Variants in NMU observed in about 807,000 individuals in gnomAD.
NMU encodes neuromedin U.
A neutral mutation model predicts 35.4 loss-of-function variants in NMU; 29 were observed. The observed-to-expected ratio is 0.82, with a 90% CI of 0.61 to 1.12. NMU has a LOEUF of 1.12. Ranked by LOEUF, NMU falls within the 50% of genes most tolerant of loss-of-function variation. The pLI, the probability that NMU is intolerant of heterozygous loss-of-function variation, is 0.00. For synonymous variants in NMU, 78 were observed against 81.3 expected (o/e 0.96, Z 0.22); for missense variants, 199 against 206.2 (o/e 0.97, Z 0.21).
intron 1 of NMU, among the ~76,000 whole-genome samples, chr4:55,633,746 G>T (rs531947600): frequency 6.6e-6 from 1 of 152,278 alleles, no homozygotes; most frequent in South Asian, 2.1e-4. Flanking sequence ...TTCACTGTCG[G>T]ATTGGGAAGT....
At position 55,607,283 on chromosome 4, in the gene NMU, A is replaced by C; in HGVS notation, c.360+15T>G. 6.4e-7 allele frequency: 1 copy of C among 1,557,086 alleles called. No individual in the cohort carries two copies. The highest frequency in any genetic ancestry group is 8.9e-7 in the Non-Finnish European group (1 of 1,128,534). ...CAAATATTAGTGATTACTAAGAAGT[A>C]GTTCTACAACTTACCACAACATTTG... is the stretch of plus-strand genomic sequence containing the variant. On this transcript the variant is annotated intron_variant, in intron 6 of 9. Coordinates refer to ENST00000264218, the MANE Select transcript of NMU (RefSeq NM_006681.4).
At chr4:55,612,080 C>T (rs181651261) in intron 3 of NMU, among the ~76,000 whole-genome samples, 8 of 152,124 alleles carry the variant, frequency 5.3e-5, no homozygotes, top group South Asian at 2.1e-4. Context: ...GAGTTGGCTG[C>T]GAGAAAAACT....
At chr4:55,613,292 T>G (rs1480852147) in intron 3 of NMU, among the ~76,000 whole-genome samples, 3 of 152,112 alleles carry the variant, frequency 2.0e-5, no homozygotes, top group African/African-American at 4.8e-5. Context: ...CATTTACCCC[T>G]GAACCTAAAA....
chr4:55,610,744 C>A (rs1733898800), intron 3 of NMU, among the ~76,000 whole-genome samples: 1 of 152,150 alleles, frequency 6.6e-6, no homozygotes, highest in Non-Finnish European at 1.5e-5. Context: ...TTTTCATATA[C>A]AGTCATGCAC....
intron 2 of NMU, among the ~76,000 whole-genome samples, chr4:55,627,938 T>C (rs888484296): frequency 7.9e-5 from 12 of 152,252 alleles, no homozygotes; most frequent in Admixed American, 3.9e-4. Context: ...GTAAAGGTTA[T>C]GTATCAAACT....
At chr4:55,613,333 C>T (rs1734007004) in intron 3 of NMU, among the ~76,000 whole-genome samples, 1 of 152,042 alleles carries the variant, frequency 6.6e-6, no homozygotes, top group Non-Finnish European at 1.5e-5. Context: ...GTTCTGTAGG[C>T]TCTATCAAGG....
intron 2 of NMU, among the ~76,000 whole-genome samples, chr4:55,626,433 G>T (rs939157269): frequency 6.6e-6 from 1 of 152,198 alleles, no homozygotes; most frequent in Non-Finnish European, 1.5e-5. Flanking sequence ...GGCTGGGCAG[G>T]GTGGCTCACA....
chr4:55,610,269 C>T (rs762275200), intron 3 of NMU, among the ~76,000 whole-genome samples: 12 of 151,972 alleles, frequency 7.9e-5, no homozygotes, highest in Non-Finnish European at 1.6e-4. Context: ...TCGAGACCAG[C>T]CTGGCCAACA....
At chr4:55,635,007 A>G (rs1299389349) in intron 1 of NMU, among the ~76,000 whole-genome samples, 2 of 152,204 alleles carry the variant, frequency 1.3e-5, no homozygotes, top group African/African-American at 2.4e-5. Context: ...CCCATCTCTA[A>G]TTGAGGGCTG....
chr4:55,630,993 C>T (rs183169509), intron 1 of NMU, among the ~76,000 whole-genome samples: 29 of 151,888 alleles, frequency 1.9e-4, no homozygotes, highest in East Asian at 7.7e-4. Context: ...TTTAGACTAA[C>T]GGAAAAGAAT....
rs755203914 is a variant in NMU at position 55,595,563 on chromosome 4, T to TATATATATATAC, written c.*5-153_*5-152insGTATATATATAT. On this transcript the variant is annotated intron_variant, in intron 9 of 9. Transcript: ENST00000264218. ...AGCTGTATATATATATATATATATA[T>TATATATATATAC]ACACACACACACACACACACATGCA... Among the ~76,000 whole-genome samples the TATATATATATAC allele has an allele frequency of 1.7e-3, 201 of 120,046 alleles. 4 individuals are homozygous for TATATATATATAC. Among genetic ancestry groups the TATATATATATAC allele is most frequent in the Admixed American group, 0.014 (139 of 9,870 alleles). 78.8% of individuals were successfully genotyped at this position (120,046 alleles called of 152,430 possible).
intron 8 of NMU, among the ~76,000 whole-genome samples, chr4:55,599,928 CT>C (rs1379569697): frequency 6.6e-6 from 1 of 152,066 alleles, no homozygotes; most frequent in East Asian, 1.9e-4. Context: ...TGGTACATTG[CT>C]CAGCACCCAG....
At chr4:55,615,987 G>A (rs1734097709) in intron 3 of NMU, among the ~76,000 whole-genome samples, 1 of 152,092 alleles carries the variant, frequency 6.6e-6, no homozygotes, top group Non-Finnish European at 1.5e-5. Context: ...AGCCTCAAGT[G>A]ATCCTCCCAC....
intron 1 of NMU, among the ~76,000 whole-genome samples, chr4:55,633,573 T>C (rs913837970): frequency 6.6e-6 from 1 of 152,238 alleles, no homozygotes; most frequent in African/African-American, 2.4e-5. Flanking sequence ...AACTTCAAGA[T>C]ATTTATACTT....
At chr4:55,613,384 A>G (rs1176584795) in intron 3 of NMU, among the ~76,000 whole-genome samples, 3 of 152,164 alleles carry the variant, frequency 2.0e-5, no homozygotes, top group African/African-American at 7.2e-5. Context: ...AACCATAGGA[A>G]GATTTGGAGC....
chr4:55,619,364 G>A (rs1447236488), intron 2 of NMU, among the ~76,000 whole-genome samples: 1 of 136,218 alleles, frequency 7.3e-6, no homozygotes, highest in Non-Finnish European at 1.6e-5. Context: ...AAGCGCAAGG[G>A]GTCAGGGAGT....
intron 1 of NMU, among the ~76,000 whole-genome samples, chr4:55,634,043 T>A (rs1715768963): frequency 6.6e-6 from 1 of 152,200 alleles, no homozygotes; most frequent in African/African-American, 2.4e-5. Flanking sequence ...TTTTTGTTTG[T>A]TTGTTTTTTG....
chr4:55,613,876 G>T (rs1734024459), intron 3 of NMU, among the ~76,000 whole-genome samples: 1 of 152,134 alleles, frequency 6.6e-6, no homozygotes, highest in African/African-American at 2.4e-5. Context: ...TAGCCAGCCA[G>T]CGACCACCAA....
intron 2 of NMU, among the ~76,000 whole-genome samples, chr4:55,616,905 T>C (rs149520148): frequency 4.6e-5 from 7 of 152,296 alleles, no homozygotes; most frequent in African/African-American, 1.7e-4. Context: ...TATTTTATAA[T>C]GAGGGTTTAT....
Sources: gnomAD v4.1 joint callset for allele counts (sites outside exome capture counted in the v4.1 genomes callset) on GRCh38, gnomAD v4.1.1 for gene constraint, MANE v1.5 for transcripts, NCBI Gene and HGNC (gene_info 2026-07-23, HGNC 2026-07-21) for gene names.